The following TASOR2 variants were observed in gnomAD, a reference collection of about 807,000 sequenced individuals.
The protein encoded by TASOR2 is transcription activation suppressor family member 2.
In TASOR2, 84 loss-of-function variants were observed where a neutral mutation model predicts 199.5. The observed-to-expected ratio is 0.42, with a 90% CI of 0.35 to 0.50. The LOEUF (loss-of-function observed/expected upper bound fraction) is 0.50, where lower values mean the gene tolerates loss of function less well. Among genes scored for constraint, TASOR2 ranks in the 20% least tolerant of loss-of-function variants. The pLI is 0.02. For missense variants in TASOR2, 2,796 were observed against 2,835.9 expected (o/e 0.99, Z 0.32); for synonymous variants, 1,103 against 1,046.6 (o/e 1.05, Z -1.04).
rs140923996 is a variant in TASOR2 at position 5,701,600 on chromosome 10, A to G, written c.-287-11223A>G. On this transcript the variant is annotated intron_variant, in intron 1 of 20. Transcript: ENST00000328090. The surrounding 1 kb of genome is among the most constrained non-coding windows in gnomAD (Gnocchi z 4.9). The stretch of plus-strand genomic sequence containing the variant: ...TTCTTCCAGTCCCTGAGCATAGAGT[A>G]TCTTTCTATTTTTTAATGTCCACTT... Among the ~76,000 whole-genome samples, 38 of 152,228 alleles carry G rather than the reference A, an allele frequency of 2.5e-4. 1 individual carries two copies. In the East Asian group the frequency reaches 6.9e-3, roughly 28 times the overall value.
At chr10:5,761,220 A>G in intron 18 of TASOR2, 70 bp from the exon 20 acceptor site, 1 of 1,374,364 alleles carries the variant, frequency 7.3e-7, no homozygotes, top group Non-Finnish European at 1.0e-6. Context: ...GAATGGTTAA[A>G]CTGAAGGCAA....
In TASOR2 at chr10:5,752,430, C is replaced by T. The variant is rs1437588781; in HGVS notation, c.6606+2403C>T. On this transcript the variant is annotated intron_variant, in intron 15 of 20. Transcript: ENST00000328090. This position sits in a 1 kb window ranked among gnomAD's most constrained non-coding sequence, Gnocchi z 4.4. The stretch of plus-strand genomic sequence containing the variant: ...AACTGGACGTGCCGTGTGTCGGTTC[C>T]ACACATGAGGGGCCTGCAGGCCACG... Among the ~76,000 whole-genome samples, 2 of 152,090 alleles carry T rather than the reference C, an allele frequency of 1.3e-5. No individual in the cohort carries two copies. The highest frequency in any genetic ancestry group is 4.8e-5 in the African/African-American group (2 of 41,414).
intron 6 of TASOR2, 68 bp downstream of exon 7, chr10:5,721,038 C>G (rs1833296911): frequency 1.6e-6 from 2 of 1,266,456 alleles, no homozygotes; most frequent in Non-Finnish European, 1.1e-6. Flanking sequence ...TTTTCCTCAC[C>G]TCATTTCAAG....
rs1837420766 is a variant in TASOR2, at chr10:5,698,498, C to T, written c.-288+13323C>T. Among the ~76,000 whole-genome samples the T allele has an allele frequency of 1.3e-5, 2 of 152,088 alleles. No individual in the cohort carries two copies. The highest frequency in any genetic ancestry group is 4.8e-5 in the African/African-American group (2 of 41,418). On this transcript the variant is annotated intron_variant, in intron 1 of 20. Coordinates refer to ENST00000328090, the Ensembl canonical transcript of TASOR2. The surrounding 1 kb of genome is among the most constrained non-coding windows in gnomAD (Gnocchi z 4.4). The stretch of plus-strand genomic sequence containing the variant: ...TTTCTACAGACGATATTTTTCAAAA[C>T]AATATTAGCAGAAAATAAATCACAA...
intron 10 of TASOR2, among the ~76,000 whole-genome samples, chr10:5,728,899 T>A (rs1834412274): frequency 6.6e-6 from 1 of 151,968 alleles, no homozygotes; most frequent in Non-Finnish European, 1.5e-5. Context: ...CCTGTAAGAT[T>A]TCTAATTTCA....
Position 5,750,411 on chromosome 10 carries a change from T to G in TASOR2, c.6606+384T>G, listed in dbSNP as rs568872440. 8.5e-5 allele frequency among the ~76,000 whole-genome samples: 13 copies of G among 152,360 alleles called. No homozygotes were observed. In the East Asian group the frequency reaches 2.5e-3, roughly 29 times the overall value. On this transcript the variant is annotated intron_variant, in intron 15 of 20. Coordinates refer to ENST00000328090, the Ensembl canonical transcript of TASOR2. The surrounding 1 kb of genome is among the most constrained non-coding windows in gnomAD (Gnocchi z 5.4). The stretch of plus-strand genomic sequence containing the variant: ...CCTCTTTTGGTTTTGGATATATTTT[T>G]AATTTGAATTTGAATGTTAGGATAA...
In TASOR2 at chr10:5,730,379, A is replaced by T; in HGVS notation, c.488-108A>T. ...TTTAGGTTGTCATTTGAAATACTAT[A>T]ACATATTTAACCATCACATAATTTT... On this transcript the variant is annotated intron_variant, in intron 10 of 20. Transcript: ENST00000328090. This position sits in a 1 kb window ranked among gnomAD's most constrained non-coding sequence, Gnocchi z 4.1. The T allele has an allele frequency of 1.2e-6, 1 of 809,272 alleles. No individual in the cohort carries two copies. The highest frequency in any genetic ancestry group is 1.9e-6 in the Non-Finnish European group (1 of 525,000). 50.1% of individuals were successfully genotyped at this position (809,272 alleles called of 1,614,324 possible). A position where few individuals can be genotyped will look rare whatever the true frequency, so the allele number is the denominator to read the frequency against.
At chr10:5,696,851 T>C (rs955487621) in intron 1 of TASOR2, among the ~76,000 whole-genome samples, 11 of 151,992 alleles carry the variant, frequency 7.2e-5, no homozygotes, top group African/African-American at 2.7e-4. Flanking sequence ...ATTACATCTG[T>C]GAAAGATGAA....
At chr10:5,749,289 G>C (rs767423335) in exon 15 of TASOR2, 3 of 1,614,096 alleles carry the variant, frequency 1.9e-6, no homozygotes, top group African/African-American at 2.7e-5. Flanking sequence ...ACTGTGGCCT[G>C]CCCAGCTCCT....
At position 5,742,767 on chromosome 10, in the gene TASOR2, A is replaced by G. The variant is rs181600375; in HGVS notation, c.2757+241A>G. 2.5e-3 allele frequency among the ~76,000 whole-genome samples: 385 copies of G among 152,318 alleles called. 4 individuals are homozygous for G. The highest frequency in any genetic ancestry group is 0.022 in the Admixed American group (329 of 15,302). The stretch of plus-strand genomic sequence containing the variant: ...AGAGTAGAAAAATGTCACAGGGTCC[A>G]CATGATCTGGGAGCCCAGCATAATT... On this transcript the variant is annotated intron_variant, in intron 14 of 20. Coordinates refer to ENST00000328090, the Ensembl canonical transcript of TASOR2. The surrounding 1 kb of genome is among the most constrained non-coding windows in gnomAD (Gnocchi z 4.2).
At chr10:5,712,224 G>T (rs1466034225) in intron 1 of TASOR2, 1 of 403,842 alleles carries the variant, frequency 2.5e-6, no homozygotes, top group Non-Finnish European at 4.2e-6. Flanking sequence ...ATTTATTTAG[G>T]TTATTTTCTT....
chr10:5,748,206 T>C lies in TASOR2; in HGVS notation c.4785T>C (p.Thr1595=), dbSNP rs776919167. 1 of 1,614,242 alleles carries C rather than the reference T, an allele frequency of 6.2e-7. No individual in the cohort carries two copies. The highest frequency in any genetic ancestry group is 1.1e-5 in the South Asian group (1 of 91,084). The change falls in exon 15 of 21, where the codon ACT becomes ACC. Residue 1595 remains threonine (T), a synonymous_variant. Transcript: ENST00000328090. The surrounding 1 kb of genome is among the most constrained non-coding windows in gnomAD (Gnocchi z 5.1). ...TGTCTGACACATTGGTTTCCACAAC[T>C]GCACCAAGTGGTATAGTGAATGTGT...
rs1269115484 is a variant in TASOR2 at position 5,698,267 on chromosome 10, C to T, written c.-288+13092C>T. 2.0e-5 allele frequency among the ~76,000 whole-genome samples: 3 copies of T among 152,130 alleles called. No individual in the cohort carries two copies. The highest frequency in any genetic ancestry group is 4.4e-5 in the Non-Finnish European group (3 of 68,018). On this transcript the variant is annotated intron_variant, in intron 1 of 20. Transcript: ENST00000328090. This position sits in a 1 kb window ranked among gnomAD's most constrained non-coding sequence, Gnocchi z 4.4. ...TGAGAAAAACATGTCTCTGCTAGCTCATTGGTTGAGGGAAGATGAGAGATA... is the reference window on the plus strand; with the variant it reads ...TGAGAAAAACATGTCTCTGCTAGCTTATTGGTTGAGGGAAGATGAGAGATA...
rs1434837025 is a variant in TASOR2 at position 5,738,070 on chromosome 10, T to C, written c.1448-1548T>C. 6.6e-6 allele frequency among the ~76,000 whole-genome samples: 1 copy of C among 152,226 alleles called. No homozygotes were observed. The highest frequency in any genetic ancestry group is 1.5e-5 in the Non-Finnish European group (1 of 68,032). ...AGAAGGCAGATGAAACATAGCCACA[T>C]TGACCTCAGTTTGCAAATTACTGAT... On this transcript the variant is annotated intron_variant, in intron 12 of 20. Coordinates refer to ENST00000328090, the Ensembl canonical transcript of TASOR2. The surrounding 1 kb of genome is among the most constrained non-coding windows in gnomAD (Gnocchi z 4.7).
chr10:5,730,900 T>G lies in TASOR2; in HGVS notation c.901T>G (p.Leu301Val). The G allele has an allele frequency of 6.2e-7, 1 of 1,614,196 alleles. No homozygotes were observed. The highest frequency in any genetic ancestry group is 1.1e-5 in the South Asian group (1 of 91,072). Residue 301 changes from leucine to valine, a missense_variant, in exon 11 of 21, where the codon TTA (leucine) becomes GTA (valine). By Grantham distance (32) the Leu-to-Val change is conservative. Around this residue, in one of 3 missense-constraint regions of TASOR2, gnomAD observed 847 missense variants for 887.4 expected, o/e 0.95. Transcript: ENST00000328090. This position sits in a 1 kb window ranked among gnomAD's most constrained non-coding sequence, Gnocchi z 4.1. ...CGGAATTTGTGATGCTGGATTTTCCTTAGTTATGACTCCAGATCCTGAATT... is the reference window on the plus strand; with the variant it reads ...CGGAATTTGTGATGCTGGATTTTCCGTAGTTATGACTCCAGATCCTGAATT...
At chr10:5,741,642 T>G (rs1836444230) in intron 13 of TASOR2, among the ~76,000 whole-genome samples, 1 of 152,240 alleles carries the variant, frequency 6.6e-6, no homozygotes, top group African/African-American at 2.4e-5. Context: ...CCCAGAGAGA[T>G]ATTTTATCTT....
At chr10:5,714,011 G>A (rs1049961094) in intron 2 of TASOR2, 124 bp from the exon 3 acceptor site, 10 of 436,914 alleles carry the variant, frequency 2.3e-5, no homozygotes, top group African/African-American at 1.2e-4. Flanking sequence ...GATCAGCCTG[G>A]GCAATATAGT....
chr10:5,709,762 G>A (rs1375233143), intron 1 of TASOR2: 3 of 1,066,004 alleles, frequency 2.8e-6, no homozygotes, highest in African/African-American at 1.6e-5. Context: ...AAAACAAAAA[G>A]ACTTTAAAAA....
At position 5,722,565 on chromosome 10, in the gene TASOR2, A is replaced by G. The variant is rs1833507991; in HGVS notation, c.147-1112A>G. Among the ~76,000 whole-genome samples the G allele has an allele frequency of 6.6e-6, 1 of 152,196 alleles. No homozygotes were observed. Among genetic ancestry groups the G allele is most frequent in the Admixed American group, 6.5e-5 (1 of 15,276 alleles). On this transcript the variant is annotated intron_variant, in intron 6 of 20. Coordinates refer to ENST00000328090, the Ensembl canonical transcript of TASOR2. This position sits in a 1 kb window ranked among gnomAD's most constrained non-coding sequence, Gnocchi z 4.0. ...CTCCCAAAAGGTTCAGAAAAAAATA[A>G]TGCGTGTGTATAGAGAGAGAGAATG...
Sources: allele counts gnomAD v4.1 joint callset (sites outside exome capture counted in the v4.1 genomes callset), GRCh38; gene constraint gnomAD v4.1.1; regional missense constraint gnomAD v4.1.1; non-coding constraint Gnocchi (gnomAD v3.1); transcripts MANE v1.5; gene names NCBI Gene and HGNC (gene_info 2026-07-23, HGNC 2026-07-21).